TBC1D22A: variants seen among roughly 807,000 people sequenced by gnomAD.
TBC1D22A encodes the protein putative GTPase activator.
A neutral mutation model predicts 60.2 loss-of-function variants in TBC1D22A; 38 were observed. That is an observed-to-expected ratio of 0.63 (90% CI 0.49 to 0.83). TBC1D22A has a LOEUF of 0.83. TBC1D22A is among the 40% of genes least tolerant of loss of function. The probability of loss-of-function intolerance (pLI) is 0.00; values close to 1 mark genes in which losing one functional copy is unlikely to be tolerated. For synonymous variants in TBC1D22A, 302 were observed against 281.7 expected (o/e 1.07, Z -0.72); for missense variants, 628 against 701.0 (o/e 0.90, Z 1.18).
At chr22:47,134,930 G>T (rs2066807998) in intron 12 of TBC1D22A, among the ~76,000 whole-genome samples, 1 of 152,204 alleles carries the variant, frequency 6.6e-6, no homozygotes, top group African/African-American at 2.4e-5. Flanking sequence ...CCGGAGCCTT[G>T]GCTGATTCCA....
At chr22:47,109,147 G>T (rs2065751434) in intron 11 of TBC1D22A, among the ~76,000 whole-genome samples, 1 of 152,162 alleles carries the variant, frequency 6.6e-6, no homozygotes, top group African/African-American at 2.4e-5. Flanking sequence ...TGAGGTTAGA[G>T]GTCATAAGTA....
At chr22:46,941,929 ATG>A (rs1602585522) in intron 8 of TBC1D22A, among the ~76,000 whole-genome samples, 1 of 101,456 alleles carries the variant, frequency 9.9e-6, no homozygotes, top group East Asian at 2.4e-4. Context: ...ATATGTATGT[ATG>A]TATACACACA....
chr22:46,908,363 C>G (rs5769233), intron 7 of TBC1D22A, among the ~76,000 whole-genome samples: 3 of 152,082 alleles, frequency 2.0e-5, no homozygotes, highest in African/African-American at 2.4e-5. Flanking sequence ...CCCTAAAAGC[C>G]TGTGCCTTTA....
At chr22:46,850,345 C>T (rs572430128) in intron 4 of TBC1D22A, among the ~76,000 whole-genome samples, 23 of 152,128 alleles carry the variant, frequency 1.5e-4, no homozygotes, top group Admixed American at 3.9e-4. Flanking sequence ...TGTGCGTGTG[C>T]GCATGTGTGC....
intron 11 of TBC1D22A, among the ~76,000 whole-genome samples, chr22:47,102,480 A>C (rs2065458237): frequency 6.6e-6 from 1 of 152,138 alleles, no homozygotes; most frequent in African/African-American, 2.4e-5. Flanking sequence ...CTGTTTTCCC[A>C]CTGAGTGCTG....
intron 4 of TBC1D22A, among the ~76,000 whole-genome samples, chr22:46,858,425 G>A (rs183974831): frequency 1.3e-5 from 2 of 151,280 alleles, no homozygotes; most frequent in African/African-American, 4.9e-5. Context: ...CAGGCAAGCC[G>A]CCCTGTGCCG....
At chr22:46,884,066 G>A (rs1224462317) in intron 5 of TBC1D22A, among the ~76,000 whole-genome samples, 3 of 152,156 alleles carry the variant, frequency 2.0e-5, no homozygotes, top group Non-Finnish European at 4.4e-5. Context: ...GGCAAACAGC[G>A]TTCCAAGCCC....
At chr22:47,014,150 C>T (rs1036688765) in intron 10 of TBC1D22A, among the ~76,000 whole-genome samples, 1 of 152,228 alleles carries the variant, frequency 6.6e-6, no homozygotes, top group Non-Finnish European at 1.5e-5. Flanking sequence ...CTGATGGGGG[C>T]TCATCAGGTG....
chr22:46,791,185 A>G (rs2084389642), intron 1 of TBC1D22A, among the ~76,000 whole-genome samples: 1 of 152,018 alleles, frequency 6.6e-6, no homozygotes, highest in Non-Finnish European at 1.5e-5. Context: ...CGCCCAGCCA[A>G]TTTTTTTGTA....
intron 12 of TBC1D22A, among the ~76,000 whole-genome samples, chr22:47,153,757 A>G (rs1331806737): frequency 6.6e-6 from 1 of 152,154 alleles, no homozygotes; most frequent in Non-Finnish European, 1.5e-5. Flanking sequence ...GTCAGAGAAG[A>G]AGGAGAAGAA....
intron 4 of TBC1D22A, among the ~76,000 whole-genome samples, chr22:46,845,162 A>G (rs1034993374): frequency 3.9e-5 from 6 of 152,244 alleles, no homozygotes; most frequent in African/African-American, 1.4e-4. Context: ...AGAACGTAAC[A>G]GTGGGATATT....
chr22:46,833,191 G>C (rs2086383467), intron 4 of TBC1D22A, among the ~76,000 whole-genome samples: 1 of 152,186 alleles, frequency 6.6e-6, no homozygotes, highest in Admixed American at 6.5e-5. Flanking sequence ...GTGATGACTA[G>C]GCAGTGTTTA....
At chr22:47,007,280 G>C (rs1208536261) in intron 10 of TBC1D22A, among the ~76,000 whole-genome samples, 1 of 152,174 alleles carries the variant, frequency 6.6e-6, no homozygotes, top group Non-Finnish European at 1.5e-5. Flanking sequence ...GCTGTGCCTA[G>C]GGCACTGGGC....
At chr22:46,959,138 G>A (rs1209570512) in intron 8 of TBC1D22A, among the ~76,000 whole-genome samples, 1 of 152,210 alleles carries the variant, frequency 6.6e-6, no homozygotes, top group Non-Finnish European at 1.5e-5. Context: ...ATGAGGAACT[G>A]TGGGGCTTTA....
chr22:47,158,637 C>T (rs1043030409), intron 12 of TBC1D22A, among the ~76,000 whole-genome samples: 2 of 152,160 alleles, frequency 1.3e-5, no homozygotes, highest in African/African-American at 2.4e-5. Flanking sequence ...AGCATGGGGC[C>T]TCTGCTGCGT....
intron 10 of TBC1D22A, among the ~76,000 whole-genome samples, chr22:47,025,665 A>G (rs1159248663): frequency 2.6e-5 from 4 of 152,264 alleles, no homozygotes; most frequent in African/African-American, 7.2e-5. Context: ...TTAGAGGTCA[A>G]CGTATAGTAC....
intron 8 of TBC1D22A, among the ~76,000 whole-genome samples, chr22:46,931,672 C>T (rs184724100): frequency 4.0e-4 from 61 of 152,332 alleles, no homozygotes; most frequent in Middle Eastern, 3.4e-3. Context: ...ATCCTCTTCT[C>T]CCCAGACAGA....
intron 12 of TBC1D22A, among the ~76,000 whole-genome samples, chr22:47,113,475 C>T (rs1165663984): frequency 6.6e-6 from 1 of 152,084 alleles, no homozygotes; most frequent in African/African-American, 2.4e-5. Context: ...GCACTGTGCT[C>T]AGGCCCATGC....
chr22:47,139,595 G>A (rs1005505812), intron 12 of TBC1D22A, among the ~76,000 whole-genome samples: 6 of 152,218 alleles, frequency 3.9e-5, no homozygotes, highest in Admixed American at 1.3e-4. Flanking sequence ...CTGCTGGAGC[G>A]TGGCCCACTG....
Sources: allele counts gnomAD v4.1 joint callset (sites outside exome capture counted in the v4.1 genomes callset), GRCh38; gene constraint gnomAD v4.1.1; transcripts MANE v1.5; gene names NCBI Gene and HGNC (gene_info 2026-07-23, HGNC 2026-07-21).